The following GSN variants were observed in gnomAD, a reference collection of about 807,000 sequenced individuals.
GSN encodes the protein actin-depolymerizing factor.
Under a neutral mutation model 85.7 loss-of-function variants are expected in GSN, and 56 were observed. The ratio of observed to expected loss-of-function variants is 0.65; its 90% CI spans 0.53 to 0.82. GSN has a LOEUF of 0.82. Ranked by LOEUF, GSN falls within the 40% of genes least tolerant of loss-of-function variation. The pLI, the probability that GSN is intolerant of heterozygous loss-of-function variation, is 0.00. For synonymous variants in GSN, 373 were observed against 399.1 expected, an observed-to-expected ratio of 0.93 and a Z score of 0.78; for missense variants, 857 against 979.8, an observed-to-expected ratio of 0.87 and a Z score of 1.67.
At chr9:121,239,267 C>T (rs905811785) in intron 5 of GSN, 2 of 377,734 alleles carry the variant, frequency 5.3e-6, no homozygotes, top group East Asian at 6.7e-5. Context: ...ACATGTTTCT[C>T]ATATTGGTAT....
intron 14 of GSN, among the ~76,000 whole-genome samples, chr9:121,327,955 C>T (rs9886835): frequency 0.038 from 5,838 of 151,682 alleles, 343 homozygotes; most frequent in Admixed American, 0.15. Flanking sequence ...GCCTGGGCAA[C>T]AGGAGTAAAA....
chr9:121,238,418 T>C (rs1588457869), intron 5 of GSN, among the ~76,000 whole-genome samples: 1 of 152,324 alleles, frequency 6.6e-6, no homozygotes, highest in East Asian at 1.9e-4. Context: ...CTTCCTGGCC[T>C]TCAACATCAG....
chr9:121,255,221 T>C (rs887177095), intron 6 of GSN, among the ~76,000 whole-genome samples: 1 of 152,166 alleles, frequency 6.6e-6, no homozygotes, highest in Non-Finnish European at 1.5e-5. Flanking sequence ...GTGCTGGTAG[T>C]ACAGGTGTGA....
chr9:121,219,005 T>C (rs2054118550), intron 4 of GSN, among the ~76,000 whole-genome samples: 1 of 152,176 alleles, frequency 6.6e-6, no homozygotes, highest in Non-Finnish European at 1.5e-5. Flanking sequence ...ACCCTACCAG[T>C]TTTGTCCAAG....
At chr9:121,275,449 G>A (rs1366728206) in intron 1 of GSN, among the ~76,000 whole-genome samples, 4 of 152,202 alleles carry the variant, frequency 2.6e-5, no homozygotes, top group Non-Finnish European at 5.9e-5. Context: ...AAAGGAAGCA[G>A]GTAGGGACAG....
intron 1 of GSN, among the ~76,000 whole-genome samples, chr9:121,278,612 G>A (rs1198536999): frequency 6.6e-6 from 1 of 152,224 alleles, no homozygotes; most frequent in Non-Finnish European, 1.5e-5. Context: ...CTATGTCCTA[G>A]GATGTGATTC....
At chr9:121,278,039 G>A (rs940040851) in intron 1 of GSN, among the ~76,000 whole-genome samples, 4 of 151,598 alleles carry the variant, frequency 2.6e-5, no homozygotes, top group Admixed American at 2.6e-4. Flanking sequence ...AGTACCCAAA[G>A]ATTTGCATGT....
chr9:121,281,389 G>A (rs757443208), intron 1 of GSN, 81 bp from the exon 2 acceptor site: 1 of 357,690 alleles, frequency 2.8e-6, no homozygotes, highest in Non-Finnish European at 5.7e-6. Context: ...GGGAGGAAAG[G>A]GGTTGAAACA....
chr9:121,325,990 C>T (rs1002867439), intron 12 of GSN, among the ~76,000 whole-genome samples: 13 of 151,604 alleles, frequency 8.6e-5, no homozygotes, highest in Non-Finnish European at 7.4e-5. Flanking sequence ...GGTAAGGTGC[C>T]GCACACAGGG....
In GSN at chr9:121,318,860, G is replaced by A. The variant is rs142034230; in HGVS notation, c.1171G>A (p.Asp391Asn). Residue 391 changes from aspartate to asparagine, a missense_variant, in exon 10 of 18, where the codon GAT (aspartate) becomes AAT (asparagine). Physicochemically the swap from Asp to Asn is conservative, Grantham distance 23. Transcript: ENST00000432226. This position sits in a 1 kb window ranked among gnomAD's most constrained non-coding sequence, Gnocchi z 4.3. ...AMAAQHGMDD[D>N]GTGQKQIWRI... ...GGCCGCCCAGCACGGCATGGATGACGATGGCACAGGCCAGAAACAGGTACG... is the reference window on the plus strand; with the variant it reads ...GGCCGCCCAGCACGGCATGGATGACAATGGCACAGGCCAGAAACAGGTACG... The A allele has an allele frequency of 1.3e-4, 211 of 1,613,840 alleles. No individual in the cohort carries two copies. The highest frequency in any genetic ancestry group is 1.6e-4 in the Middle Eastern group (1 of 6,084).
chr9:121,324,780 T>TCCAC (rs2133840916), intron 12 of GSN, 136 bp downstream of exon 12: 1 of 677,388 alleles, frequency 1.5e-6, no homozygotes, highest in East Asian at 2.7e-5. Flanking sequence ...CATCCATCCA[T>TCCAC]CCATCCATCC....
exon 4 of GSN, chr9:121,210,808 C>G (rs1419170286): frequency 6.6e-6 from 1 of 152,236 alleles, no homozygotes; most frequent in Admixed American, 6.5e-5. Flanking sequence ...ATTTTTAGCC[C>G]ATAACCAGGC....
At chr9:121,214,241 T>G (rs2054017946) in intron 4 of GSN, among the ~76,000 whole-genome samples, 1 of 151,682 alleles carries the variant, frequency 6.6e-6, no homozygotes, top group South Asian at 2.1e-4. Context: ...TTCTTTCTCC[T>G]TCCTTCTCTC....
At chr9:121,300,600 A>C (rs1405393434) in intron 2 of GSN, among the ~76,000 whole-genome samples, 1 of 151,838 alleles carries the variant, frequency 6.6e-6, no homozygotes, top group Non-Finnish European at 1.5e-5. Flanking sequence ...GGTGACCTGC[A>C]CCTGCTGATT....
upstream of GSN, chr9:121,207,681 G>GA (rs1305449889): frequency 6.6e-6 from 1 of 152,138 alleles, no homozygotes; most frequent in Non-Finnish European, 1.5e-5. Context: ...GGTATGCTAT[G>GA]GAGGAAAGTA....
chr9:121,291,793 T>G (rs1394153657), intron 2 of GSN, among the ~76,000 whole-genome samples: 1 of 152,162 alleles, frequency 6.6e-6, no homozygotes, highest in Non-Finnish European at 1.5e-5. Context: ...ATATGGCCAT[T>G]CTATCCCTGT....
At chr9:121,219,432 C>T (rs1042474605) in intron 4 of GSN, among the ~76,000 whole-genome samples, 2 of 152,026 alleles carry the variant, frequency 1.3e-5, no homozygotes, top group African/African-American at 4.8e-5. Context: ...TTCCTGATAG[C>T]ATTGAGACAG....
upstream of GSN, among the ~76,000 whole-genome samples, chr9:121,206,649 A>G (rs184831843): frequency 4.0e-5 from 6 of 151,524 alleles, no homozygotes; most frequent in Non-Finnish European, 5.9e-5. Flanking sequence ...AGACTCATTT[A>G]TTGTCATTGA....
At chr9:121,251,501 G>A (rs1189671666) in intron 6 of GSN, among the ~76,000 whole-genome samples, 2 of 151,744 alleles carry the variant, frequency 1.3e-5, no homozygotes, top group Non-Finnish European at 2.9e-5. Context: ...CCAGCCTGAT[G>A]TTCATTTTTA....
Sources: gnomAD v4.1 joint callset for allele counts (sites outside exome capture counted in the v4.1 genomes callset) on GRCh38, gnomAD v4.1.1 for gene constraint, Gnocchi (gnomAD v3.1) non-coding constraint, MANE v1.5 for transcripts, NCBI Gene and HGNC (gene_info 2026-07-23, HGNC 2026-07-21) for gene names.